Variants in FLACC1 observed in about 807,000 individuals in gnomAD.
FLACC1 encodes the protein flagellum-associated coiled-coil domain-containing protein 1.
In FLACC1, 66 loss-of-function variants were observed where a neutral mutation model predicts 62.8. The ratio of observed to expected loss-of-function variants is 1.05; its 90% CI spans 0.86 to 1.29. The LOEUF is 1.29. FLACC1 is among the 50% of genes most tolerant of loss of function. The probability of loss-of-function intolerance (pLI) is 0.00; values close to 1 mark genes in which losing one functional copy is unlikely to be tolerated. For synonymous variants in FLACC1, 156 were observed against 161.0 expected, an observed-to-expected ratio of 0.97 and a Z score of 0.24; for missense variants, 452 against 489.1, an observed-to-expected ratio of 0.92 and a Z score of 0.71.
intron 9 of FLACC1, among the ~76,000 whole-genome samples, chr2:201,309,925 A>AAAAAACAAAAAAAAAAAAAAAAAAAAAAG (rs764506462): frequency 1.0e-5 from 1 of 99,392 alleles, no homozygotes; most frequent in Non-Finnish European, 2.3e-5. Context: ...AAAAAAAAAA[A>AAAAAACAAAAAAAAAAAAAAAAAAAAAAG]AAGAAGAAGA....
At chr2:201,289,955 T>C in intron 12 of FLACC1, 170 bp from the exon 13 acceptor site, 1 of 1,189,524 alleles carries the variant, frequency 8.4e-7, no homozygotes, top group Non-Finnish European at 1.2e-6. Context: ...CCCATCTATA[T>C]CCTTCTCTTC....
intron 12 of FLACC1, among the ~76,000 whole-genome samples, chr2:201,291,975 A>G (rs569774497): frequency 6.6e-6 from 1 of 152,366 alleles, no homozygotes; most frequent in African/African-American, 2.4e-5. Context: ...AAGTTTAGAA[A>G]AAAAAGAATA....
intron 1 of FLACC1, among the ~76,000 whole-genome samples, chr2:201,354,450 TC>T (rs778597013): frequency 3.0e-4 from 46 of 151,460 alleles, no homozygotes; most frequent in Non-Finnish European, 5.0e-4. Flanking sequence ...TAGAAAGGAG[TC>T]CAGGGCTAGA....
At chr2:201,330,642 C>G in intron 8 of FLACC1, 94 bp downstream of exon 8, 1 of 1,533,232 alleles carries the variant, frequency 6.5e-7, no homozygotes, top group Non-Finnish European at 8.9e-7. Context: ...GGTAGTAAAA[C>G]CTTTGTGTGC....
At chr2:201,296,507 T>G (rs1949866172) in intron 12 of FLACC1, among the ~76,000 whole-genome samples, 1 of 99,888 alleles carries the variant, frequency 1.0e-5, no homozygotes, top group East Asian at 3.6e-4. Flanking sequence ...CACCGGGGCC[T>G]GTTGTGGGGT....
chr2:201,306,286 C>T (rs903577639), intron 11 of FLACC1, among the ~76,000 whole-genome samples: 5 of 152,144 alleles, frequency 3.3e-5, no homozygotes, highest in Admixed American at 1.3e-4. Context: ...AGCTCACTCA[C>T]TATCACGAGA....
At chr2:201,330,379 T>C (rs1950568161) in intron 9 of FLACC1, 91 bp downstream of exon 9, 2 of 1,286,904 alleles carry the variant, frequency 1.6e-6, no homozygotes, top group Non-Finnish European at 2.2e-6. Context: ...CAGGACATTA[T>C]TTTCTGGACA....
Position 201,326,181 on chromosome 2 carries a change from A to G in FLACC1, c.675+4289T>C, listed in dbSNP as rs1005277773. The stretch of plus-strand genomic sequence containing the variant: ...GGGACCTACCTCAATAATAAAAGCC[A>G]TATGTGACAAACCCACAGCCAACAT... On this transcript the variant is annotated intron_variant, in intron 9 of 14. Coordinates refer to ENST00000392257, the MANE Select transcript of FLACC1 (RefSeq NM_001127391.3). This position sits in a 1 kb window ranked among gnomAD's most constrained non-coding sequence, Gnocchi z 4.1. Among the ~76,000 whole-genome samples the G allele has an allele frequency of 1.3e-5, 2 of 152,356 alleles. No individual in the cohort carries two copies. The highest frequency in any genetic ancestry group is 2.1e-4 in the South Asian group (1 of 4,834).
rs565864383 is a variant in FLACC1, at chr2:201,305,829, C to G, written c.879+1690G>C. 1.2e-4 allele frequency among the ~76,000 whole-genome samples: 18 copies of G among 151,710 alleles called. No individual in the cohort carries two copies. In the South Asian group the frequency reaches 3.7e-3, roughly 32 times the overall value. On this transcript the variant is annotated intron_variant, in intron 11 of 14. Transcript: ENST00000392257. ...AACCAACATTCTGAGCAAACTATTG[C>G]AAGGACAGAAAACCAAACACCGTGT...
chr2:201,350,638 A>G (rs1951007273), intron 3 of FLACC1, 73 bp downstream of exon 3: 5 of 1,344,442 alleles, frequency 3.7e-6, no homozygotes, highest in Non-Finnish European at 5.2e-6. Context: ...CCAAGGTTAC[A>G]CCACTGCACT....
chr2:201,294,859 G>A (rs1407542244), intron 12 of FLACC1, among the ~76,000 whole-genome samples: 1 of 152,142 alleles, frequency 6.6e-6, no homozygotes, highest in Non-Finnish European at 1.5e-5. Flanking sequence ...AAAATCACAA[G>A]CATTCCTATA....
At chr2:201,337,538 A>T (rs917669248) in intron 7 of FLACC1, among the ~76,000 whole-genome samples, 1 of 152,114 alleles carries the variant, frequency 6.6e-6, no homozygotes, top group African/African-American at 2.4e-5. Context: ...CATTTTGGTT[A>T]TGATAGCCTT....
At position 201,348,172 on chromosome 2, in the gene FLACC1, T is replaced by C. The variant is rs904408378; in HGVS notation, c.234+82A>G. 3.6e-6 allele frequency: 5 copies of C among 1,382,240 alleles called. No homozygotes were observed. The African/African-American group carries it at 5.9e-5, about 16-fold the overall frequency. 85.6% of individuals were successfully genotyped at this position (1,382,240 alleles called of 1,614,324 possible). ...TTGTGAAGATTCGACAAGGTAAGTA[T>C]AAAAATGTAAAGGGCCCATGCTTGC... On this transcript the variant is annotated intron_variant, in intron 4 of 14. Coordinates refer to ENST00000392257, the MANE Select transcript of FLACC1 (RefSeq NM_001127391.3).
intron 1 of FLACC1, among the ~76,000 whole-genome samples, chr2:201,354,740 A>T (rs1020308597): frequency 2.6e-5 from 4 of 152,180 alleles, no homozygotes; most frequent in African/African-American, 9.7e-5. Flanking sequence ...AAAGGAGCCA[A>T]CCCTGAACTT....
At chr2:201,342,332 C>T (rs1012118524) in intron 7 of FLACC1, 38 bp downstream of exon 7, 8 of 1,606,538 alleles carry the variant, frequency 5.0e-6, no homozygotes, top group Non-Finnish European at 6.8e-6. Context: ...ACCCTTAGAG[C>T]CATCAACACA....
At chr2:201,354,910 C>G (rs182896751) in intron 1 of FLACC1, among the ~76,000 whole-genome samples, 2 of 152,234 alleles carry the variant, frequency 1.3e-5, no homozygotes, top group Non-Finnish European at 2.9e-5. Context: ...TTGTCCACAA[C>G]GGGCATTTGA....
intron 11 of FLACC1, among the ~76,000 whole-genome samples, chr2:201,302,087 T>C (rs1949996877): frequency 6.6e-6 from 1 of 152,078 alleles, no homozygotes; most frequent in Non-Finnish European, 1.5e-5. Context: ...CATAACAATA[T>C]TAACCTTAAA....
chr2:201,333,167 C>T (rs1950627603), intron 7 of FLACC1, among the ~76,000 whole-genome samples: 1 of 152,084 alleles, frequency 6.6e-6, no homozygotes, highest in South Asian at 2.1e-4. Flanking sequence ...ATTTACAATC[C>T]CACTAACACT....
At chr2:201,296,855 C>T (rs535702755) in intron 12 of FLACC1, among the ~76,000 whole-genome samples, 40 of 152,206 alleles carry the variant, frequency 2.6e-4, no homozygotes, top group Admixed American at 2.6e-3. Flanking sequence ...ATGCACGTAT[C>T]TTACTGTTTA....
Sources: gnomAD v4.1 joint callset for allele counts (sites outside exome capture counted in the v4.1 genomes callset) on GRCh38, gnomAD v4.1.1 for gene constraint, Gnocchi (gnomAD v3.1) non-coding constraint, MANE v1.5 for transcripts, NCBI Gene and HGNC (gene_info 2026-07-23, HGNC 2026-07-21) for gene names.